Variants in TIAM1 observed in about 807,000 individuals in gnomAD.
The protein encoded by TIAM1 is TIAM Rac1 associated GEF 1.
Under a neutral mutation model 163.5 loss-of-function variants are expected in TIAM1, and 65 were observed. The ratio of observed to expected loss-of-function variants is 0.40; its 90% CI spans 0.33 to 0.49. TIAM1 has a LOEUF of 0.49. TIAM1 is among the 20% of genes least tolerant of loss of function. TIAM1 has a pLI of 0.77. For missense variants in TIAM1, 1,789 were observed against 2,044.7 expected (o/e 0.87, Z 2.41); for synonymous variants, 833 against 810.1 (o/e 1.03, Z -0.48).
At chr21:31,243,641 TA>T (rs1431127281) in intron 6 of TIAM1, among the ~76,000 whole-genome samples, 1 of 152,134 alleles carries the variant, frequency 6.6e-6, no homozygotes, top group African/African-American at 2.4e-5. Context: ...TTAAAAATAT[TA>T]AAAGATACAT....
intron 2 of TIAM1, among the ~76,000 whole-genome samples, chr21:31,278,160 T>A (rs375182737): frequency 2.0e-5 from 3 of 152,154 alleles, no homozygotes; most frequent in Non-Finnish European, 4.4e-5. Context: ...TTGAAGAAAA[T>A]GCTGAAAGAG....
intron 2 of TIAM1, among the ~76,000 whole-genome samples, chr21:31,407,227 A>G (rs1337337667): frequency 6.6e-6 from 1 of 152,358 alleles, no homozygotes; most frequent in Non-Finnish European, 1.5e-5. Context: ...AAGTGTGTGA[A>G]GCCAAAATTG....
rs2081908915 is a variant in TIAM1, at chr21:31,119,106, T to TAA, written c.*1261_*1262insTT. 1 of 140,964 alleles carries TAA rather than the reference T, an allele frequency of 7.1e-6. No individual in the cohort carries two copies. Among genetic ancestry groups the TAA allele is most frequent in the African/African-American group, 3.1e-5 (1 of 32,186 alleles). 8.7% of individuals were successfully genotyped at this position (140,964 alleles called of 1,614,324 possible). A position where few individuals can be genotyped will look rare whatever the true frequency, so the allele number is the denominator to read the frequency against. ...AAAAGAAAAAGCTATAAACCTTTTT[T>TAA]TAAAAAAAAAAAAAAAATTGAAAGT... On this transcript the variant is annotated 3_prime_UTR_variant, in exon 28 of 28. Coordinates refer to ENST00000541036, the MANE Select transcript of TIAM1 (RefSeq NM_001353694.2).
At position 31,223,585 on chromosome 21, in the gene TIAM1, CA is replaced by C; in HGVS notation, c.1815del (p.Phe605LeufsTer21). 6.3e-7 allele frequency: 1 copy of C among 1,593,954 alleles called. No individual in the cohort carries two copies. Among genetic ancestry groups the C allele is most frequent in the Non-Finnish European group, 8.5e-7 (1 of 1,169,996 alleles). On this transcript the variant is annotated frameshift_variant, in exon 8 of 28. Transcript: ENST00000541036. LOFTEE classifies it high-confidence loss of function. ...KKKKTILDQI[F>X]VWEQNLEQFQ... ...AACTGCTCGAGATTTTGCTCCCAGA[CA>C]AAGATCTATGGTAGTGAAAACACGG...
chr21:31,135,568 C>A (rs1305529245), intron 23 of TIAM1, among the ~76,000 whole-genome samples: 1 of 152,008 alleles, frequency 6.6e-6, no homozygotes, highest in Non-Finnish European at 1.5e-5. Context: ...GAAACAGAGG[C>A]CATTTTGTCT....
chr21:31,256,951 C>CT (rs1213094982), intron 4 of TIAM1, among the ~76,000 whole-genome samples: 2 of 152,152 alleles, frequency 1.3e-5, no homozygotes, highest in Non-Finnish European at 2.9e-5. Flanking sequence ...AAGGCATTGC[C>CT]TGAACTCAGT....
At chr21:31,193,780 A>C (rs1045398020) in intron 13 of TIAM1, among the ~76,000 whole-genome samples, 2 of 152,342 alleles carry the variant, frequency 1.3e-5, no homozygotes, top group Admixed American at 6.5e-5. Context: ...GGAAGCTTAC[A>C]CCGGTGAGTG....
intron 2 of TIAM1, among the ~76,000 whole-genome samples, chr21:31,360,003 A>T (rs1330457188): frequency 5.9e-5 from 9 of 152,146 alleles, no homozygotes; most frequent in Admixed American, 5.9e-4. Flanking sequence ...CAAACCCTGA[A>T]CAGAATAAAT....
At chr21:31,334,243 C>G (rs556175997) in intron 2 of TIAM1, among the ~76,000 whole-genome samples, 37 of 151,916 alleles carry the variant, frequency 2.4e-4, no homozygotes, top group Admixed American at 1.8e-3. Context: ...CTGCCTCCAG[C>G]CCTCCCCACC....
At chr21:31,210,528 G>C (rs918697972) in intron 10 of TIAM1, among the ~76,000 whole-genome samples, 2 of 74,216 alleles carry the variant, frequency 2.7e-5, no homozygotes, top group African/African-American at 4.9e-5. Context: ...AGATAGGGAA[G>C]GAAGGAAAAG....
At chr21:31,134,262 G>C (rs1031297438) in intron 23 of TIAM1, among the ~76,000 whole-genome samples, 37 of 152,096 alleles carry the variant, frequency 2.4e-4, no homozygotes, top group Admixed American at 2.2e-3. Flanking sequence ...ACATCACTGT[G>C]TGGGTCATTT....
chr21:31,547,425 G>A (rs945774492), intron 1 of TIAM1, among the ~76,000 whole-genome samples: 4 of 152,110 alleles, frequency 2.6e-5, no homozygotes, highest in African/African-American at 9.7e-5. Flanking sequence ...GGTTTCACAG[G>A]GCCAAGGTTG....
chr21:31,523,827 A>C (rs1353405379), intron 1 of TIAM1, among the ~76,000 whole-genome samples: 1 of 151,994 alleles, frequency 6.6e-6, no homozygotes, highest in Non-Finnish European at 1.5e-5. Flanking sequence ...CTAAGGCACA[A>C]GAATCACTTG....
At chr21:31,156,870 T>C (rs148158732) in intron 16 of TIAM1, among the ~76,000 whole-genome samples, 1 of 152,354 alleles carries the variant, frequency 6.6e-6, no homozygotes, top group African/African-American at 2.4e-5. Context: ...ACAACAAATG[T>C]ATAATTGGCA....
At chr21:31,393,694 G>A (rs2077005618) in intron 2 of TIAM1, among the ~76,000 whole-genome samples, 1 of 152,154 alleles carries the variant, frequency 6.6e-6, no homozygotes. Context: ...ATTTTCTAAA[G>A]CTGAGAGTGT....
intron 2 of TIAM1, among the ~76,000 whole-genome samples, chr21:31,430,193 C>T (rs1424189462): frequency 3.3e-5 from 4 of 123,076 alleles, no homozygotes; most frequent in Non-Finnish European, 6.5e-5. Context: ...GCAACAAGAG[C>T]GAAACTCCAT....
intron 1 of TIAM1, among the ~76,000 whole-genome samples, chr21:31,466,761 G>A (rs1012094943): frequency 4.6e-5 from 7 of 152,088 alleles, no homozygotes; most frequent in Non-Finnish European, 7.4e-5. Flanking sequence ...TTCTTCCCGC[G>A]TATAATTGCG....
At chr21:31,542,376 G>A (rs1349941932) in intron 1 of TIAM1, among the ~76,000 whole-genome samples, 1 of 151,594 alleles carries the variant, frequency 6.6e-6, no homozygotes, top group African/African-American at 2.4e-5. Flanking sequence ...ACAGTGAGCC[G>A]AGACCGCGCC....
intron 2 of TIAM1, among the ~76,000 whole-genome samples, chr21:31,390,514 G>A (rs2076949765): frequency 6.6e-6 from 1 of 152,266 alleles, no homozygotes; most frequent in Non-Finnish European, 1.5e-5. Context: ...AATTAAGAAT[G>A]CAGGAGCACC....
Sources: gnomAD v4.1 joint callset for allele counts (sites outside exome capture counted in the v4.1 genomes callset) on GRCh38, gnomAD v4.1.1 for gene constraint, MANE v1.5 for transcripts, NCBI Gene and HGNC (gene_info 2026-07-23, HGNC 2026-07-21) for gene names.